The following CSMD2 variants were observed in gnomAD, a reference collection of about 807,000 sequenced individuals.
The protein encoded by CSMD2 is CUB and Sushi multiple domains 2.
Under a neutral mutation model 398.5 loss-of-function variants are expected in CSMD2, and 130 were observed. The ratio of observed to expected loss-of-function variants is 0.33; its 90% CI spans 0.28 to 0.38. The LOEUF (loss-of-function observed/expected upper bound fraction) is 0.38. CSMD2 is among the 10% of genes least tolerant of loss of function. The pLI is 1.00. For synonymous variants in CSMD2, 1,828 were observed against 1,908.5 expected (o/e 0.96, Z 1.10); for missense variants, 3,829 against 4,764.9 (o/e 0.80, Z 5.78).
intron 62 of CSMD2, among the ~76,000 whole-genome samples, chr1:33,535,358 A>G (rs556720439): frequency 6.6e-6 from 1 of 152,298 alleles, no homozygotes; most frequent in East Asian, 1.9e-4. Flanking sequence ...CAATCCTATC[A>G]CATATGTGCA....
chr1:34,096,387 C>T lies in CSMD2; in HGVS notation c.188-7194G>A, dbSNP rs1285632927. 2.3e-4 allele frequency among the ~76,000 whole-genome samples: 35 copies of T among 152,192 alleles called. No individual in the cohort carries two copies. The East Asian group carries it at 6.4e-3, about 28-fold the overall frequency. On this transcript the variant is annotated intron_variant, in intron 1 of 70. Coordinates refer to ENST00000373381, the MANE Select transcript of CSMD2 (RefSeq NM_001281956.2). ...GCCCTCTCTCACCACTCCTATTCAA[C>T]ATAGCGTTGGAAGCTCTGGCCAGGG...
At chr1:33,837,083 C>A (rs1660367646) in intron 6 of CSMD2, among the ~76,000 whole-genome samples, 1 of 152,182 alleles carries the variant, frequency 6.6e-6, no homozygotes, top group Non-Finnish European at 1.5e-5. Flanking sequence ...GGGAAGCAGT[C>A]ACACCCTGAG....
At chr1:34,165,500 C>T (rs297789), upstream of CSMD2, among the ~76,000 whole-genome samples, 98,808 of 152,072 alleles carry the variant, frequency 0.65, 32,355 homozygotes, top group Middle Eastern at 0.77. Flanking sequence ...TTATCCGTGT[C>T]TGTTTTGCAA....
chr1:33,782,636 G>A (rs913742738), intron 12 of CSMD2, among the ~76,000 whole-genome samples: 1 of 152,160 alleles, frequency 6.6e-6, no homozygotes, highest in Non-Finnish European at 1.5e-5. Flanking sequence ...AAAGGGAATT[G>A]AGAGGGTGCT....
At chr1:33,608,363 G>A in intron 41 of CSMD2, among the ~76,000 whole-genome samples, 1 of 152,184 alleles carries the variant, frequency 6.6e-6, no homozygotes, top group Non-Finnish European at 1.5e-5. Context: ...CACGGGGTGG[G>A]CCCAGGGCAG....
At position 33,542,693 on chromosome 1, in the gene CSMD2, T is replaced by C. The variant is rs746381643; in HGVS notation, c.9277+27A>G. 2.5e-6 allele frequency: 4 copies of C among 1,597,150 alleles called. No homozygotes were observed. In the African/African-American group the frequency reaches 4.0e-5, roughly 16 times the overall value. Reference sequence around the variant, plus strand: ...GCAGGATCTGGGCCACTGTTGGCCATGGAACCCGTAGGGCCTGAGCTCTCA... The same window carrying C: ...GCAGGATCTGGGCCACTGTTGGCCACGGAACCCGTAGGGCCTGAGCTCTCA... On this transcript the variant is annotated intron_variant, in intron 58 of 70. Coordinates refer to ENST00000373381, the MANE Select transcript of CSMD2 (RefSeq NM_001281956.2).
At chr1:33,585,628 T>A (rs1226836914) in intron 46 of CSMD2, among the ~76,000 whole-genome samples, 3 of 152,256 alleles carry the variant, frequency 2.0e-5, no homozygotes, top group African/African-American at 7.2e-5. Context: ...GATGTGGTGA[T>A]ACTTAAGTTC....
At chr1:33,521,353 AC>A in intron 68 of CSMD2, 109 bp downstream of exon 68, 1 of 754,842 alleles carries the variant, frequency 1.3e-6, no homozygotes, top group Non-Finnish European at 2.4e-6. Context: ...AGGCCAAAGC[AC>A]CCCCGCCTCA....
In CSMD2 at chr1:34,032,683, G is replaced by A; in HGVS notation, c.428C>T (p.Ala143Val). Residue 143 changes from alanine (A) to valine (V), a missense_variant, in exon 3 of 71, where the codon GCC becomes GTC. By Grantham distance (64) the Ala-to-Val change is moderately conservative (BLOSUM62 0). Transcript: ENST00000373381. ...RTRLTGFQLP[A>V]TIVSAATTLS... ...GGTGGTGGCTGCACTAACAATGGTG[G>A]CTGGCAGCTGAAAGCCTGTGAGCCT... is the stretch of plus-strand genomic sequence containing the variant. 1.9e-6 allele frequency: 3 copies of A among 1,595,718 alleles called. No homozygotes were observed. The highest frequency in any genetic ancestry group is 2.6e-6 in the Non-Finnish European group (3 of 1,170,858).
chr1:33,873,380 G>T (rs1369818258), intron 5 of CSMD2, among the ~76,000 whole-genome samples: 1 of 152,208 alleles, frequency 6.6e-6, no homozygotes, highest in African/African-American at 2.4e-5. Flanking sequence ...ATGTCCTTGT[G>T]CAGTCCCCTC....
chr1:33,537,126 A>G lies in CSMD2; in HGVS notation c.9806-31T>C. The G allele has an allele frequency of 6.2e-7, 1 of 1,612,232 alleles. No individual in the cohort carries two copies. Among genetic ancestry groups the G allele is most frequent in the Non-Finnish European group, 8.5e-7 (1 of 1,178,274 alleles). On this transcript the variant is annotated intron_variant, in intron 61 of 70. Transcript: ENST00000373381. This position sits in a 1 kb window ranked among gnomAD's most constrained non-coding sequence, Gnocchi z 4.6. ...TGGCCAAAACAAAGACACAGATCAC[A>G]TGGTCATGGAAGCCTTCACGGCCTC...
chr1:34,074,639 A>G (rs1414720683), intron 2 of CSMD2, among the ~76,000 whole-genome samples: 3 of 152,228 alleles, frequency 2.0e-5, no homozygotes, highest in Non-Finnish European at 4.4e-5. Flanking sequence ...TAGGCCCTGG[A>G]GAGCTACAAT....
At chr1:33,717,260 G>C (rs1046951881) in intron 19 of CSMD2, among the ~76,000 whole-genome samples, 4 of 152,124 alleles carry the variant, frequency 2.6e-5, no homozygotes, top group African/African-American at 9.7e-5. Flanking sequence ...GAGTGGACCA[G>C]ATCTCAGTTT....
intron 21 of CSMD2, among the ~76,000 whole-genome samples, chr1:33,711,392 A>G (rs567126199): frequency 6.6e-5 from 10 of 152,310 alleles, no homozygotes; most frequent in African/African-American, 2.4e-4. Flanking sequence ...CTGAAATTTA[A>G]TCTCTTCATC....
At chr1:33,964,425 C>T (rs1041854598) in intron 3 of CSMD2, among the ~76,000 whole-genome samples, 6 of 152,182 alleles carry the variant, frequency 3.9e-5, no homozygotes, top group East Asian at 1.9e-4. Context: ...CCCAGTAAAA[C>T]GTGCTTGGCA....
chr1:33,823,512 C>A (rs1254193464), intron 7 of CSMD2, among the ~76,000 whole-genome samples: 1 of 151,986 alleles, frequency 6.6e-6, no homozygotes, highest in Non-Finnish European at 1.5e-5. Context: ...TTACTCTACT[C>A]TGGGAGGGCC....
intron 7 of CSMD2, among the ~76,000 whole-genome samples, chr1:33,824,690 T>G (rs1570132099): frequency 9.7e-5 from 14 of 144,688 alleles, no homozygotes; most frequent in Admixed American, 2.1e-4. Flanking sequence ...ATGGGGAGGG[T>G]GGGAGGAGCA....
chr1:33,528,907 C>T (rs1264169666), intron 64 of CSMD2, among the ~76,000 whole-genome samples: 6 of 152,166 alleles, frequency 3.9e-5, no homozygotes, highest in African/African-American at 1.2e-4. Flanking sequence ...AAAGACATCA[C>T]ATGTTCATGG....
rs540510692 is a variant in CSMD2 at position 34,019,795 on chromosome 1, C to T, written c.517+12799G>A. Among the ~76,000 whole-genome samples, 262 of 152,324 alleles carry T rather than the reference C, an allele frequency of 1.7e-3. 1 individual carries two copies. The highest frequency in any genetic ancestry group is 2.9e-3 in the Non-Finnish European group (198 of 68,024). Reference sequence around the variant, plus strand: ...CCTCCTAGGTCCTACATGAGCTATTCCCTGTCCCTCAAGCCAGTTCAGCTC... The same window carrying T: ...CCTCCTAGGTCCTACATGAGCTATTTCCTGTCCCTCAAGCCAGTTCAGCTC... On this transcript the variant is annotated intron_variant, in intron 3 of 70. Coordinates refer to ENST00000373381, the MANE Select transcript of CSMD2 (RefSeq NM_001281956.2).
Sources: allele counts gnomAD v4.1 joint callset (sites outside exome capture counted in the v4.1 genomes callset), GRCh38; gene constraint gnomAD v4.1.1; non-coding constraint Gnocchi (gnomAD v3.1); transcripts MANE v1.5; gene names NCBI Gene and HGNC (gene_info 2026-07-23, HGNC 2026-07-21).